Variants in IGF1 observed in about 807,000 individuals in gnomAD.
IGF1 encodes insulin-like growth factor 1.
Under a neutral mutation model 13.8 loss-of-function variants are expected in IGF1, and 4 were observed. The observed-to-expected ratio is 0.29, with a 90% CI of 0.14 to 0.66. The LOEUF is 0.66. IGF1 is among the 30% of genes least tolerant of loss of function. The pLI, the probability that IGF1 is intolerant of heterozygous loss-of-function variation, is 0.78. For synonymous variants in IGF1, 76 were observed against 72.6 expected (o/e 1.05, Z -0.23); for missense variants, 124 against 188.5 (o/e 0.66, Z 2.00).
intron 2 of IGF1, among the ~76,000 whole-genome samples, chr12:102,458,731 A>AAAAAAAAAAC (rs1218828095): frequency 7.9e-5 from 4 of 50,690 alleles, no homozygotes; most frequent in East Asian, 1.8e-3. Flanking sequence ...AACACTGACC[A>AAAAAAAAAAC]AAAAAAAAAA....
chr12:102,437,890 T>C (rs566492945), intron 2 of IGF1, among the ~76,000 whole-genome samples: 1 of 152,296 alleles, frequency 6.6e-6, no homozygotes, highest in African/African-American at 2.4e-5. Flanking sequence ...CCCATAATTA[T>C]TTACAATTAT....
chr12:102,467,304 G>A (rs1042489070), intron 2 of IGF1, among the ~76,000 whole-genome samples: 21 of 152,126 alleles, frequency 1.4e-4, no homozygotes, highest in Non-Finnish European at 7.3e-5. Context: ...GAGATTCATA[G>A]AGTATTTGCT....
At chr12:102,413,978 C>T (rs925441064) in intron 3 of IGF1, among the ~76,000 whole-genome samples, 1 of 152,116 alleles carries the variant, frequency 6.6e-6, no homozygotes, top group African/African-American at 2.4e-5. Flanking sequence ...CATGGAAAAG[C>T]GTTGGCAAGC....
At position 102,396,974 on chromosome 12, in the gene IGF1, G is replaced by A. The variant is rs566519887; in HGVS notation, c.*5533C>T. 110 of 396,574 alleles carry A rather than the reference G, an allele frequency of 2.8e-4. 1 individual carries two copies. The highest frequency in any genetic ancestry group is 4.1e-4 in the Non-Finnish European group (92 of 225,004). 24.6% of individuals were successfully genotyped at this position (396,574 alleles called of 1,614,324 possible). On this transcript the variant is annotated 3_prime_UTR_variant, in exon 4 of 4. Transcript: ENST00000337514. ...TCCCAGCAATTTGGGAGGCTGAGGC[G>A]GGCAAATCACAAGGTCAGGAGTTTG...
chr12:102,408,663 C>A (rs1874376274), intron 3 of IGF1, among the ~76,000 whole-genome samples: 1 of 152,184 alleles, frequency 6.6e-6, no homozygotes, highest in South Asian at 2.1e-4. Context: ...TGGAACAGGG[C>A]AGGCCCCTCC....
intron 2 of IGF1, among the ~76,000 whole-genome samples, chr12:102,423,594 T>C (rs1021942526): frequency 2.0e-5 from 3 of 152,204 alleles, no homozygotes; most frequent in African/African-American, 7.2e-5. Flanking sequence ...AATGTACTGC[T>C]GTATCTTAAA....
chr12:102,412,404 G>A (rs1017582399), intron 3 of IGF1, among the ~76,000 whole-genome samples: 3 of 151,756 alleles, frequency 2.0e-5, no homozygotes, highest in East Asian at 1.9e-4. Flanking sequence ...ACACACACAC[G>A]CGCACACACA....
At chr12:102,442,287 A>G (rs1237067200) in intron 2 of IGF1, among the ~76,000 whole-genome samples, 1 of 152,032 alleles carries the variant, frequency 6.6e-6, no homozygotes, top group Non-Finnish European at 1.5e-5. Flanking sequence ...TCCTGCCTAG[A>G]CAGAAGTGAA....
At chr12:102,444,302 T>C (rs1011279948) in intron 2 of IGF1, among the ~76,000 whole-genome samples, 1 of 151,884 alleles carries the variant, frequency 6.6e-6, no homozygotes, top group Non-Finnish European at 1.5e-5. Context: ...TTCTAGGAAA[T>C]GTACCCCATA....
At chr12:102,451,233 AAAACCTGT>A in intron 2 of IGF1, among the ~76,000 whole-genome samples, 1 of 152,372 alleles carries the variant, frequency 6.6e-6, no homozygotes, top group South Asian at 2.1e-4. Context: ...AGTTTTTATC[AAAACCTGT>A]AACTCTTTGA....
rs1214222231 is a variant in IGF1 at position 102,419,495 on chromosome 12, C to A, written c.402+14G>T. The stretch of plus-strand genomic sequence containing the variant: ...CCACTTGAGGATGGCTGGATCCCAC[C>A]CAGGTGGGCTTACCTTCTGGGTCTT... On this transcript the variant is annotated intron_variant, in intron 3 of 3. Coordinates refer to ENST00000337514, the MANE Select transcript of IGF1 (RefSeq NM_000618.5). The A allele has an allele frequency of 4.3e-6, 7 of 1,610,828 alleles. No homozygotes were observed. The highest frequency in any genetic ancestry group is 5.9e-6 in the Non-Finnish European group (7 of 1,178,578).
intron 2 of IGF1, among the ~76,000 whole-genome samples, chr12:102,447,599 C>T (rs919137493): frequency 6.6e-6 from 1 of 152,150 alleles, no homozygotes; most frequent in East Asian, 1.9e-4. Context: ...CCCTTTATTT[C>T]GAGCCTATGT....
chr12:102,473,370 T>G (rs1206208783), intron 2 of IGF1, among the ~76,000 whole-genome samples: 3 of 152,216 alleles, frequency 2.0e-5, no homozygotes, highest in Non-Finnish European at 2.9e-5. Flanking sequence ...ATTCAATGCT[T>G]ACACATAACA....
rs747403094 is a variant in IGF1, at chr12:102,419,598, G to A, written c.313C>T (p.Leu105=). The A allele has an allele frequency of 1.2e-6, 2 of 1,613,872 alleles. No individual in the cohort carries two copies. The highest frequency in any genetic ancestry group is 1.3e-5 in the African/African-American group (1 of 75,018). ...CCFRSCDLRR[L]EMYCAPLKPA... ...TTGAGGGGTGCGCAATACATCTCCA[G>A]CCTCCTTAGATCACAGCTCCGGAAG... The change falls in exon 3 of 4, where the codon CTG becomes TTG. Residue 105 remains leucine, a synonymous_variant. Transcript: ENST00000337514.
chr12:102,470,192 A>G (rs1363328619), intron 2 of IGF1, among the ~76,000 whole-genome samples: 1 of 152,196 alleles, frequency 6.6e-6, no homozygotes, highest in Non-Finnish European at 1.5e-5. Context: ...GGCAGGCCCC[A>G]TTTTACAGAT....
intron 2 of IGF1, among the ~76,000 whole-genome samples, chr12:102,469,739 G>A (rs1475927591): frequency 6.6e-6 from 1 of 152,032 alleles, no homozygotes; most frequent in African/African-American, 2.4e-5. Context: ...AGAGAACCTA[G>A]CTTTGTTTCT....
intron 2 of IGF1, among the ~76,000 whole-genome samples, chr12:102,422,458 A>T (rs937978401): frequency 4.6e-5 from 7 of 152,126 alleles, no homozygotes; most frequent in Non-Finnish European, 1.0e-4. Flanking sequence ...TGTAAGCTTG[A>T]TTTCTTCTGG....
At chr12:102,415,267 TCCA>T in intron 3 of IGF1, among the ~76,000 whole-genome samples, 1 of 150,586 alleles carries the variant, frequency 6.6e-6, no homozygotes, top group Non-Finnish European at 1.5e-5. Flanking sequence ...CATCCATCCA[TCCA>T]TCCATCCATC....
At chr12:102,433,005 T>G (rs980276629) in intron 2 of IGF1, among the ~76,000 whole-genome samples, 1 of 152,094 alleles carries the variant, frequency 6.6e-6, no homozygotes, top group African/African-American at 2.4e-5. Context: ...CACACTTCAG[T>G]GTATGGGAGT....
Sources: allele counts gnomAD v4.1 joint callset (sites outside exome capture counted in the v4.1 genomes callset), GRCh38; gene constraint gnomAD v4.1.1; transcripts MANE v1.5; gene names NCBI Gene and HGNC (gene_info 2026-07-23, HGNC 2026-07-21).